Variants in VWA3B observed in about 807,000 individuals in gnomAD.
VWA3B encodes von Willebrand factor A domain-containing protein 3B.
A neutral mutation model predicts 158.3 loss-of-function variants in VWA3B; 138 were observed. The observed-to-expected ratio is 0.87, with a 90% CI of 0.76 to 1.00. The LOEUF (loss-of-function observed/expected upper bound fraction) is 1.00. Ranked by LOEUF, VWA3B falls within the 50% of genes least tolerant of loss-of-function variation. The probability of loss-of-function intolerance (pLI) is 0.00; values close to 1 mark genes in which losing one functional copy is unlikely to be tolerated. For synonymous variants in VWA3B, 596 were observed against 587.3 expected (o/e 1.01, Z -0.21); for missense variants, 1,555 against 1,565.1 (o/e 0.99, Z 0.11).
At chr2:98,167,365 GA>G (rs536085885) in intron 8 of VWA3B, among the ~76,000 whole-genome samples, 21 of 147,844 alleles carry the variant, frequency 1.4e-4, no homozygotes, top group African/African-American at 3.5e-4. Flanking sequence ...GAGTTCCCTG[GA>G]AAAAAAAAAC....
chr2:98,161,527 A>G (rs1468477986), intron 7 of VWA3B, among the ~76,000 whole-genome samples: 1 of 152,194 alleles, frequency 6.6e-6, no homozygotes, highest in East Asian at 1.9e-4. Flanking sequence ...AGACAGAAGG[A>G]TGTGCTGAGA....
intron 12 of VWA3B, among the ~76,000 whole-genome samples, chr2:98,209,914 G>T (rs1683363872): frequency 6.6e-6 from 1 of 152,166 alleles, no homozygotes; most frequent in African/African-American, 2.4e-5. Context: ...ACTTCTGTGG[G>T]CTTTCGTTCC....
intron 7 of VWA3B, among the ~76,000 whole-genome samples, chr2:98,151,261 C>T (rs1349213167): frequency 4.6e-5 from 7 of 152,176 alleles, no homozygotes; most frequent in Middle Eastern, 3.4e-3. Flanking sequence ...TACAGGCATC[C>T]GCCATGATGC....
chr2:98,280,624 C>T (rs948975831), intron 22 of VWA3B, among the ~76,000 whole-genome samples: 1 of 152,230 alleles, frequency 6.6e-6, no homozygotes, highest in Non-Finnish European at 1.5e-5. Flanking sequence ...CTGTGCCGGG[C>T]TCAGGAAGCA....
chr2:98,169,355 A>G (rs780874249), intron 8 of VWA3B, among the ~76,000 whole-genome samples: 3 of 152,230 alleles, frequency 2.0e-5, no homozygotes, highest in Non-Finnish European at 2.9e-5. Context: ...AGACTATGAT[A>G]AATTGAAGAT....
At chr2:98,193,598 C>CTTT (rs376090829) in intron 11 of VWA3B, among the ~76,000 whole-genome samples, 2 of 142,902 alleles carry the variant, frequency 1.4e-5, no homozygotes, top group Non-Finnish European at 1.5e-5. Flanking sequence ...ACAAAATGCA[C>CTTT]TTTTTTTTTT....
In VWA3B at chr2:98,092,824, A is replaced by G. The variant is rs1014765155; in HGVS notation, c.-32-237A>G. Among the ~76,000 whole-genome samples, 631 of 97,136 alleles carry G rather than the reference A, an allele frequency of 6.5e-3. 9 individuals carry two copies. The highest frequency in any genetic ancestry group is 0.02 in the African/African-American group (439 of 21,442). The allele number at this position is 97,136 out of a possible 152,430, so 63.7% of individuals were successfully genotyped here. On this transcript the variant is annotated intron_variant, in intron 1 of 27. Coordinates refer to ENST00000477737, the MANE Select transcript of VWA3B (RefSeq NM_144992.5). ...TCTTTCTAGATGTTTTTGTATATAT[A>G]TATATATATATATATATATATATAT...
chr2:98,160,348 T>C (rs532730212), intron 7 of VWA3B, among the ~76,000 whole-genome samples: 2 of 152,350 alleles, frequency 1.3e-5, no homozygotes, highest in East Asian at 3.9e-4. Context: ...TTCTTTTGTT[T>C]TTAAGCAAAG....
chr2:98,092,858 A>G (rs1028587293), intron 1 of VWA3B, among the ~76,000 whole-genome samples: 2 of 129,322 alleles, frequency 1.5e-5, no homozygotes, highest in Admixed American at 7.9e-5. Context: ...ATATATATAT[A>G]TAGTTGAATA....
intron 7 of VWA3B, among the ~76,000 whole-genome samples, chr2:98,158,518 G>A (rs377553819): frequency 6.6e-6 from 1 of 152,180 alleles, no homozygotes; most frequent in Non-Finnish European, 1.5e-5. Context: ...ACCATCACAG[G>A]CTTCTAGTTC....
chr2:98,244,069 T>C (rs1268443280), intron 19 of VWA3B, among the ~76,000 whole-genome samples: 2 of 152,224 alleles, frequency 1.3e-5, no homozygotes, highest in Non-Finnish European at 2.9e-5. Flanking sequence ...TAGAATGTTG[T>C]CAGGTGGAAT....
At chr2:98,204,217 A>ATTTG (rs1244607499) in intron 12 of VWA3B, among the ~76,000 whole-genome samples, 46 of 152,178 alleles carry the variant, frequency 3.0e-4, no homozygotes, top group Non-Finnish European at 5.9e-5. Flanking sequence ...AGACAGTAGT[A>ATTTG]TTTGTTTGTT....
chr2:98,097,742 T>G (rs943384621), intron 2 of VWA3B, among the ~76,000 whole-genome samples: 6 of 152,156 alleles, frequency 3.9e-5, no homozygotes, highest in African/African-American at 1.4e-4. Flanking sequence ...TTTTTTTCTT[T>G]TTTTAACCAC....
At chr2:98,257,261 A>G (rs964184760) in intron 21 of VWA3B, among the ~76,000 whole-genome samples, 1 of 152,116 alleles carries the variant, frequency 6.6e-6, no homozygotes, top group Admixed American at 6.5e-5. Flanking sequence ...AAATGATATT[A>G]AGTGCTGCAA....
chr2:98,231,943 C>T (rs62156683), intron 16 of VWA3B, among the ~76,000 whole-genome samples: 6,246 of 152,148 alleles, frequency 0.041, 194 homozygotes, highest in Middle Eastern at 0.082. Flanking sequence ...AGCTATTGAT[C>T]TATAGTTCTT....
chr2:98,154,526 C>T lies in VWA3B; in HGVS notation c.989-8325C>T, dbSNP rs548647542. On this transcript the variant is annotated intron_variant, in intron 7 of 27. Coordinates refer to ENST00000477737, the MANE Select transcript of VWA3B (RefSeq NM_144992.5). ...CAGGGAACCCCTCTGTTCCCACTCCCGTCTTGGGCTTATGTCTGGCATACC... is the reference window on the plus strand; with the variant it reads ...CAGGGAACCCCTCTGTTCCCACTCCTGTCTTGGGCTTATGTCTGGCATACC... 7.4e-4 allele frequency among the ~76,000 whole-genome samples: 112 copies of T among 152,254 alleles called. 3 individuals carry two copies. The highest frequency in any genetic ancestry group is 3.4e-3 in the Admixed American group (52 of 15,298).
intron 7 of VWA3B, among the ~76,000 whole-genome samples, chr2:98,139,337 C>G (rs1308553976): frequency 6.6e-6 from 1 of 152,252 alleles, no homozygotes; most frequent in Non-Finnish European, 1.5e-5. Flanking sequence ...GCGCCACCCC[C>G]TGCTCCACGG....
At chr2:98,186,298 A>T (rs1056305077) in intron 9 of VWA3B, among the ~76,000 whole-genome samples, 4 of 150,876 alleles carry the variant, frequency 2.7e-5, no homozygotes, top group Non-Finnish European at 5.9e-5. Context: ...CAGTGCTCTG[A>T]TCGCTTCTCT....
chr2:98,211,847 T>C, intron 12 of VWA3B, 83 bp from the exon 13 acceptor site: 1 of 1,253,000 alleles, frequency 8.0e-7, no homozygotes, highest in Non-Finnish European at 1.1e-6. Context: ...TTTTTCTTCT[T>C]TTTTGGAAGC....
Sources: gnomAD v4.1 joint callset for allele counts (sites outside exome capture counted in the v4.1 genomes callset) on GRCh38, gnomAD v4.1.1 for gene constraint, MANE v1.5 for transcripts, NCBI Gene and HGNC (gene_info 2026-07-23, HGNC 2026-07-21) for gene names.